BCAS3: variants seen among roughly 807,000 people sequenced by gnomAD.
BCAS3 encodes the protein BCAS4/BCAS3 fusion.
In BCAS3, 53 loss-of-function variants were observed where a neutral mutation model predicts 116.1. The observed-to-expected ratio is 0.46, with a 90% CI of 0.37 to 0.57. The LOEUF is 0.57. Among genes scored for constraint, BCAS3 ranks in the 20% least tolerant of loss-of-function variants. The probability of loss-of-function intolerance (pLI) is 0.00; values close to 1 mark genes in which losing one functional copy is unlikely to be tolerated. For missense variants in BCAS3, 917 were observed against 1,165.4 expected (o/e 0.79, Z 3.10); for synonymous variants, 391 against 408.2 (o/e 0.96, Z 0.51).
intron 22 of BCAS3, among the ~76,000 whole-genome samples, chr17:61,191,898 T>A (rs936871516): frequency 2.4e-4 from 36 of 152,074 alleles, no homozygotes; most frequent in Admixed American, 1.4e-3. Context: ...AGTAGTTCGC[T>A]CAGAAAGAAG....
rs1435680787 is a variant in BCAS3 at position 61,256,548 on chromosome 17, C to G, written c.2426-111779C>G. 6.6e-6 allele frequency among the ~76,000 whole-genome samples: 1 copy of G among 152,186 alleles called. No homozygotes were observed. The highest frequency in any genetic ancestry group is 2.4e-5 in the African/African-American group (1 of 41,450). The stretch of plus-strand genomic sequence containing the variant: ...CAAACTCCTGGCCTCAAGTGATCCA[C>G]CCACCTGGGCCTCCCAAAGTGCTGG... On this transcript the variant is annotated intron_variant, in intron 22 of 23. Coordinates refer to ENST00000407086, the MANE Select transcript of BCAS3 (RefSeq NM_017679.5). This position sits in a 1 kb window ranked among gnomAD's most constrained non-coding sequence, Gnocchi z 5.6.
intron 7 of BCAS3, among the ~76,000 whole-genome samples, chr17:60,851,050 C>CA (rs2053102223): frequency 6.6e-6 from 1 of 152,088 alleles, no homozygotes; most frequent in African/African-American, 2.4e-5. Context: ...TTAAGTACAA[C>CA]ACCGAAAGCG....
rs1431343086 is a variant in BCAS3 at position 61,017,692 on chromosome 17, T to C, written c.1637+1791T>C. Among the ~76,000 whole-genome samples, 2 of 151,554 alleles carry C rather than the reference T, an allele frequency of 1.3e-5. No homozygotes were observed. The highest frequency in any genetic ancestry group is 1.3e-4 in the Admixed American group (2 of 15,264). On this transcript the variant is annotated intron_variant, in intron 16 of 23. Coordinates refer to ENST00000407086, the MANE Select transcript of BCAS3 (RefSeq NM_017679.5). The surrounding 1 kb of genome is among the most constrained non-coding windows in gnomAD (Gnocchi z 4.7). ...CTGAAGTTTAGTGCATAAAATGATATGATGTTAGAATTTAATTCATAATAT... is the reference window on the plus strand; with the variant it reads ...CTGAAGTTTAGTGCATAAAATGATACGATGTTAGAATTTAATTCATAATAT...
intron 22 of BCAS3, among the ~76,000 whole-genome samples, chr17:61,170,430 C>CTAG (rs2078775677): frequency 6.6e-6 from 1 of 151,400 alleles, no homozygotes; most frequent in Non-Finnish European, 1.5e-5. Flanking sequence ...GTGGCTGGGA[C>CTAG]TACGGGTGCC....
intron 22 of BCAS3, among the ~76,000 whole-genome samples, chr17:61,173,439 ACT>A (rs941976980): frequency 2.3e-5 from 3 of 132,958 alleles, no homozygotes; most frequent in African/African-American, 7.6e-5. Flanking sequence ...ACAAAGCAAG[ACT>A]CTGTCTCCAA....
chr17:61,053,737 G>T (rs1405932645), intron 19 of BCAS3, among the ~76,000 whole-genome samples: 1 of 152,180 alleles, frequency 6.6e-6, no homozygotes, highest in Non-Finnish European at 1.5e-5. Flanking sequence ...TCTTGTAGAG[G>T]AAACTTGTAA....
At chr17:60,912,264 A>G (rs144173209) in intron 12 of BCAS3, among the ~76,000 whole-genome samples, 94 of 152,214 alleles carry the variant, frequency 6.2e-4, no homozygotes, top group Middle Eastern at 6.8e-3. Flanking sequence ...TAGTTTTTAT[A>G]TAGAATATAT....
intron 12 of BCAS3, among the ~76,000 whole-genome samples, chr17:60,923,889 A>G (rs73320686): frequency 0.046 from 7,063 of 152,206 alleles, 524 homozygotes; most frequent in African/African-American, 0.16. Flanking sequence ...GAGTTGAAGA[A>G]CACGACTTTC....
At chr17:61,170,678 C>T (rs971007665) in intron 22 of BCAS3, among the ~76,000 whole-genome samples, 1 of 151,992 alleles carries the variant, frequency 6.6e-6, no homozygotes, top group East Asian at 1.9e-4. Flanking sequence ...TGAAGTGAGC[C>T]CTGCAATTGT....
chr17:60,788,473 C>T (rs934546978), intron 6 of BCAS3, among the ~76,000 whole-genome samples: 8 of 152,074 alleles, frequency 5.3e-5, no homozygotes, highest in African/African-American at 1.7e-4. Flanking sequence ...ATTTAACCTT[C>T]AAAAAATACT....
At chr17:60,954,372 TA>T (rs979418402) in intron 14 of BCAS3, among the ~76,000 whole-genome samples, 1 of 152,188 alleles carries the variant, frequency 6.6e-6, no homozygotes, top group Non-Finnish European at 1.5e-5. Context: ...ATATGAATTT[TA>T]AAATAGTTTG....
intron 11 of BCAS3, 85 bp downstream of exon 11, chr17:60,902,788 A>C: frequency 9.0e-7 from 1 of 1,112,952 alleles, no homozygotes; most frequent in Non-Finnish European, 1.4e-6. Flanking sequence ...TTCTATTGTA[A>C]TGATTGTAGT....
At chr17:60,833,404 T>A (rs1367627447) in intron 7 of BCAS3, among the ~76,000 whole-genome samples, 1 of 152,242 alleles carries the variant, frequency 6.6e-6, no homozygotes, top group Non-Finnish European at 1.5e-5. Flanking sequence ...TTTTAATTTT[T>A]AAAAGCAGAA....
rs1276697932 is a variant in BCAS3 at position 61,104,535 on chromosome 17, A to G, written c.2425+19971A>G. Among the ~76,000 whole-genome samples, 2 of 152,172 alleles carry G rather than the reference A, an allele frequency of 1.3e-5. No individual in the cohort carries two copies. Among genetic ancestry groups the G allele is most frequent in the Non-Finnish European group, 2.9e-5 (2 of 68,020 alleles). On this transcript the variant is annotated intron_variant, in intron 22 of 23. Transcript: ENST00000407086. This position sits in a 1 kb window ranked among gnomAD's most constrained non-coding sequence, Gnocchi z 4.1. ...GGGGATTGAGATATATGCCTTTCAG[A>G]TCTGCACTTCATCTCATACTTCATC...
chr17:61,334,746 T>C (rs1386242161), intron 22 of BCAS3, among the ~76,000 whole-genome samples: 1 of 149,532 alleles, frequency 6.7e-6, no homozygotes, highest in Non-Finnish European at 1.5e-5. Context: ...TAATAGATCC[T>C]AAGAGGGCAA....
intron 22 of BCAS3, among the ~76,000 whole-genome samples, chr17:61,094,416 A>C (rs1444496066): frequency 6.6e-6 from 1 of 152,256 alleles, no homozygotes; most frequent in Non-Finnish European, 1.5e-5. Flanking sequence ...TTTCTCAAAA[A>C]TAAGCAAACC....
chr17:61,021,174 G>A lies in BCAS3; in HGVS notation c.1637+5273G>A, dbSNP rs780205601. Among the ~76,000 whole-genome samples the A allele has an allele frequency of 6.6e-6, 1 of 152,058 alleles. No homozygotes were observed. The highest frequency in any genetic ancestry group is 1.5e-5 in the Non-Finnish European group (1 of 68,012). On this transcript the variant is annotated intron_variant, in intron 16 of 23. Transcript: ENST00000407086. The surrounding 1 kb of genome is among the most constrained non-coding windows in gnomAD (Gnocchi z 4.6). The stretch of plus-strand genomic sequence containing the variant: ...GGGCTCAGGTGATTCTCTTGCCTCA[G>A]CCTCCCGAGTAGCTGGGACTACAAG...
intron 15 of BCAS3, among the ~76,000 whole-genome samples, chr17:61,006,655 C>G (rs1173314539): frequency 6.6e-6 from 1 of 151,910 alleles, no homozygotes; most frequent in Non-Finnish European, 1.5e-5. Flanking sequence ...ATTATGGAGC[C>G]TTAATTCAGG....
chr17:61,351,385 C>T (rs2057834592), intron 22 of BCAS3, among the ~76,000 whole-genome samples: 1 of 152,190 alleles, frequency 6.6e-6, no homozygotes, highest in Non-Finnish European at 1.5e-5. Flanking sequence ...GGTGAAAGCA[C>T]CAACCGAAGG....
Sources: allele counts gnomAD v4.1 joint callset (sites outside exome capture counted in the v4.1 genomes callset), GRCh38; gene constraint gnomAD v4.1.1; non-coding constraint Gnocchi (gnomAD v3.1); transcripts MANE v1.5; gene names NCBI Gene and HGNC (gene_info 2026-07-23, HGNC 2026-07-21).